The following PKDCC variants were observed in gnomAD, a reference collection of about 807,000 sequenced individuals.
PKDCC encodes the protein extracellular tyrosine-protein kinase PKDCC.
A neutral mutation model predicts 44.7 loss-of-function variants in PKDCC; 35 were observed. That is an observed-to-expected ratio of 0.78 (90% confidence interval 0.60 to 1.04). The LOEUF is 1.04. PKDCC is among the 50% of genes least tolerant of loss of function. The pLI is 0.00. For missense variants in PKDCC, 738 were observed against 672.7 expected (o/e 1.10, Z -1.07); for synonymous variants, 353 against 303.3 (o/e 1.16, Z -1.70).
In PKDCC at chr2:42,054,054, C is replaced by G. The variant is rs138808294; in HGVS notation, c.781C>G (p.Arg261Gly). The G allele has an allele frequency of 3.7e-6, 6 of 1,611,740 alleles. No individual in the cohort carries two copies. The South Asian group carries it at 4.4e-5, about 12-fold the overall frequency. Residue 261 changes from arginine to glycine, a missense_variant, in exon 3 of 7, where the codon CGC (arginine) becomes GGC (glycine). By Grantham distance (125) the Arg-to-Gly change is moderately radical (BLOSUM62 -2). Coordinates refer to ENST00000294964, the MANE Select transcript of PKDCC (RefSeq NM_138370.3). This position sits in a 1 kb window ranked among gnomAD's most constrained non-coding sequence, Gnocchi z 6.1. ...DRFRICLSLG[R>G]LLHHLAHSPL... Reference sequence around the variant, plus strand: ...CCCTCAGATCTGCCTGAGCCTGGGCCGCCTCCTCCACCACCTGGCCCACTC... The same window carrying G: ...CCCTCAGATCTGCCTGAGCCTGGGCGGCCTCCTCCACCACCTGGCCCACTC...
At chr2:42,050,032 G>A (rs933101630) in intron 1 of PKDCC, among the ~76,000 whole-genome samples, 1 of 152,166 alleles carries the variant, frequency 6.6e-6, no homozygotes, top group East Asian at 1.9e-4. Flanking sequence ...GAGGGAGATG[G>A]GTGGGCGTCG....
In PKDCC at chr2:42,052,471, G is replaced by A. The variant is rs184187337; in HGVS notation, c.640-768G>A. Among the ~76,000 whole-genome samples, 413 of 152,292 alleles carry A rather than the reference G, an allele frequency of 2.7e-3. 3 individuals carry two copies. Among genetic ancestry groups the A allele is most frequent in the African/African-American group, 9.4e-3 (392 of 41,554 alleles). The stretch of plus-strand genomic sequence containing the variant: ...TTCTTAGAAAAAACAGATTGTGGCC[G>A]GGCGCAGTGGCTCACGCCTGTAATC... On this transcript the variant is annotated intron_variant, in intron 1 of 6. Transcript: ENST00000294964. The surrounding 1 kb of genome is among the most constrained non-coding windows in gnomAD (Gnocchi z 4.3).
Position 42,052,593 on chromosome 2 carries a change from A to T in PKDCC, c.640-646A>T, listed in dbSNP as rs1258998949. On this transcript the variant is annotated intron_variant, in intron 1 of 6. Transcript: ENST00000294964. This position sits in a 1 kb window ranked among gnomAD's most constrained non-coding sequence, Gnocchi z 4.3. The stretch of plus-strand genomic sequence containing the variant: ...GTGAAACCCTGTTTCTACTAAAAAG[A>T]CAAAAATTAGCTGGGCATAGTGGCA... Among the ~76,000 whole-genome samples the T allele has an allele frequency of 1.3e-5, 2 of 152,124 alleles. No individual in the cohort carries two copies. The highest frequency in any genetic ancestry group is 4.8e-5 in the African/African-American group (2 of 41,412).
intron 2 of PKDCC, 60 bp from the exon 3 acceptor site, chr2:42,053,976 G>C: frequency 1.3e-6 from 2 of 1,563,718 alleles, no homozygotes; most frequent in South Asian, 2.4e-5. Flanking sequence ...GTGCCCTCGA[G>C]TCCCACAGAC....
Position 42,057,265 on chromosome 2 carries a change from C to G in PKDCC, c.1267C>G (p.Arg423Gly), listed in dbSNP as rs1370426689. 1 of 1,614,092 alleles carries G rather than the reference C, an allele frequency of 6.2e-7. No homozygotes were observed. Among genetic ancestry groups the G allele is most frequent in the Non-Finnish European group, 8.5e-7 (1 of 1,180,036 alleles). Reference sequence around the variant, plus strand: ...CAGCACCATCCCCCAGGAAGACTACCGCTGCTGGCCATCCTACCACCACGG... The same window carrying G: ...CAGCACCATCCCCCAGGAAGACTACGGCTGCTGGCCATCCTACCACCACGG... Reference protein sequence around the residue: ...PDSTIPQEDYRCWPSYHHGSC... With the variant: ...PDSTIPQEDYGCWPSYHHGSC... Residue 423 changes from arginine (R) to glycine (G), a missense_variant, in exon 6 of 7, where the codon CGC (arginine) becomes GGC (glycine). Transcript: ENST00000294964.
chr2:42,048,972 AC>A lies in PKDCC; in HGVS notation c.639+136del. On this transcript the variant is annotated intron_variant, in intron 1 of 6. Coordinates refer to ENST00000294964, the MANE Select transcript of PKDCC (RefSeq NM_138370.3). This position sits in a 1 kb window ranked among gnomAD's most constrained non-coding sequence, Gnocchi z 6.2. ...AGGCTAAGCTAGACGCAGAAACCGG[AC>A]CATGGCCCTTCCCACTGCACCACCC... The A allele has an allele frequency of 7.7e-7, 1 of 1,293,700 alleles. No homozygotes were observed. The highest frequency in any genetic ancestry group is 9.9e-7 in the Non-Finnish European group (1 of 1,011,344). The allele number at this position is 1,293,700 out of a possible 1,614,324, so 80.1% of individuals were successfully genotyped here.
Position 42,051,539 on chromosome 2 carries a change from C to G in PKDCC, c.640-1700C>G, listed in dbSNP as rs1238319422. On this transcript the variant is annotated intron_variant, in intron 1 of 6. Transcript: ENST00000294964. The surrounding 1 kb of genome is among the most constrained non-coding windows in gnomAD (Gnocchi z 4.2). ...TCCTGAGGGGTGTTGATTAATACCT[C>G]GTTAACAGCGCATTTAACGACCTCC... Among the ~76,000 whole-genome samples, 3 of 152,118 alleles carry G rather than the reference C, an allele frequency of 2.0e-5. No individual in the cohort carries two copies. The highest frequency in any genetic ancestry group is 7.2e-5 in the African/African-American group (3 of 41,396).
intron 5 of PKDCC, among the ~76,000 whole-genome samples, chr2:42,056,597 C>A (rs1668060334): frequency 6.6e-6 from 1 of 152,014 alleles, no homozygotes; most frequent in East Asian, 1.9e-4. Flanking sequence ...CCCAGACCTA[C>A]AGAATCAGAA....
rs1668077135 is a variant in PKDCC, at chr2:42,057,492, G to C, written c.1396+98G>C. The C allele has an allele frequency of 3.2e-6, 5 of 1,563,044 alleles. No individual in the cohort carries two copies. In the Admixed American group the frequency reaches 7.0e-5, roughly 22 times the overall value. On this transcript the variant is annotated intron_variant, in intron 6 of 6. Transcript: ENST00000294964. ...CATCGGAAGTCAGAGGGGGTGCTGAGGTGATGAGAGAGAGGTATACGTGTC... is the reference window on the plus strand; with the variant it reads ...CATCGGAAGTCAGAGGGGGTGCTGACGTGATGAGAGAGAGGTATACGTGTC...
Position 42,053,307 on chromosome 2 carries a change from C to G in PKDCC, c.708C>G (p.Gly236=). Residue 236 remains glycine, a synonymous_variant, in exon 2 of 7, where the codon GGC becomes GGG. Transcript: ENST00000294964. ...PDTLTTITEL[G]APVEMIQLLQ... is the part of the protein sequence containing the mutation. The stretch of plus-strand genomic sequence containing the variant: ...CCCTGACCACCATCACGGAGCTGGG[C>G]GCCCCTGTAGAAATGATCCAGCTGC... 1 of 1,613,726 alleles carries G rather than the reference C, an allele frequency of 6.2e-7. No individual in the cohort carries two copies. Among genetic ancestry groups the G allele is most frequent in the South Asian group, 1.1e-5 (1 of 91,048 alleles).
chr2:42,053,604 G>C (rs1668005123), intron 2 of PKDCC: 2 of 563,582 alleles, frequency 3.5e-6, no homozygotes, highest in East Asian at 3.0e-5. Flanking sequence ...ACCAGCTTGT[G>C]GGGGCTGGCA....
chr2:42,048,065 G>A lies in PKDCC; in HGVS notation c.-135G>A. On this transcript the variant is annotated 5_prime_UTR_variant, in exon 1 of 7. Coordinates refer to ENST00000294964, the MANE Select transcript of PKDCC (RefSeq NM_138370.3). This position sits in a 1 kb window ranked among gnomAD's most constrained non-coding sequence, Gnocchi z 6.2. ...GTGTCGCCCGCGAGGGGCCGGGGTC[G>A]GGGCCGCCGGGGCCATGCGCGCGGG... 2 of 368,424 alleles carry A rather than the reference G, an allele frequency of 5.4e-6. No individual in the cohort carries two copies. Among genetic ancestry groups the A allele is most frequent in the Non-Finnish European group, 3.7e-6 (1 of 268,744 alleles). 22.8% of individuals were successfully genotyped at this position (368,424 alleles called of 1,614,324 possible).
In PKDCC at chr2:42,055,567, C is replaced by T. The variant is rs905099777; in HGVS notation, c.1222+174C>T. The T allele has an allele frequency of 1.5e-5, 9 of 604,364 alleles. No individual in the cohort carries two copies. Among genetic ancestry groups the T allele is most frequent in the Admixed American group, 9.0e-5 (3 of 33,258 alleles). 37.4% of individuals were successfully genotyped at this position (604,364 alleles called of 1,614,324 possible). Reference sequence around the variant, plus strand: ...GCTGACATGGACTAATTTGAGGTTCCATCTCTAGCTGAGCTAGAGCAACTA... The same window carrying T: ...GCTGACATGGACTAATTTGAGGTTCTATCTCTAGCTGAGCTAGAGCAACTA... On this transcript the variant is annotated intron_variant, in intron 5 of 6. Transcript: ENST00000294964. This position sits in a 1 kb window ranked among gnomAD's most constrained non-coding sequence, Gnocchi z 4.5.
In PKDCC at chr2:42,053,254, T is replaced by C; in HGVS notation, c.655T>C (p.Tyr219His). The C allele has an allele frequency of 6.3e-7, 1 of 1,577,564 alleles. No homozygotes were observed. The highest frequency in any genetic ancestry group is 8.6e-7 in the Non-Finnish European group (1 of 1,157,064). Residue 219 changes from tyrosine to histidine, a missense_variant, in exon 2 of 7, where the codon TAC becomes CAC. Transcript: ENST00000294964. ...PNVLQLYGYC[Y>H]QDSEDIPDTL... ...CTTTCCCCAGCTCTATGGCTACTGCTACCAGGACAGCGAGGACATCCCAGA... is the reference window on the plus strand; with the variant it reads ...CTTTCCCCAGCTCTATGGCTACTGCCACCAGGACAGCGAGGACATCCCAGA...
At position 42,055,300 on chromosome 2, in the gene PKDCC, G is replaced by T. The variant is rs139834357; in HGVS notation, c.1129G>T (p.Gly377Trp). ...GCACTCTGCAGGAGAGCTCGCCTGGGGGGTGGACGAGACCCTGGCCCAGCT... is the reference window on the plus strand; with the variant it reads ...GCACTCTGCAGGAGAGCTCGCCTGGTGGGTGGACGAGACCCTGGCCCAGCT... ...IVNATGELAW[G>W]VDETLAQLEK... Residue 377 changes from glycine to tryptophan, a missense_variant, in exon 5 of 7, where the codon GGG becomes TGG. By Grantham distance (184) the Gly-to-Trp change is radical. Transcript: ENST00000294964. The surrounding 1 kb of genome is among the most constrained non-coding windows in gnomAD (Gnocchi z 4.5). 8.8e-5 allele frequency: 142 copies of T among 1,613,092 alleles called. No homozygotes were observed. The highest frequency in any genetic ancestry group is 1.8e-4 in the East Asian group (8 of 44,890).
chr2:42,055,166 C>A lies in PKDCC; in HGVS notation c.1115-120C>A, dbSNP rs1302163405. Reference sequence around the variant, plus strand: ...GCATTCTGCCGCAACCTCCCCGCTCCCCCGCCCTCTGTTCACTGGGGCACA... The same window carrying A: ...GCATTCTGCCGCAACCTCCCCGCTCACCCGCCCTCTGTTCACTGGGGCACA... On this transcript the variant is annotated intron_variant, in intron 4 of 6. Coordinates refer to ENST00000294964, the MANE Select transcript of PKDCC (RefSeq NM_138370.3). This position sits in a 1 kb window ranked among gnomAD's most constrained non-coding sequence, Gnocchi z 4.5. 2.4e-6 allele frequency: 3 copies of A among 1,272,066 alleles called. No individual in the cohort carries two copies. The highest frequency in any genetic ancestry group is 3.4e-6 in the Non-Finnish European group (3 of 895,046). 78.8% of individuals were successfully genotyped at this position (1,272,066 alleles called of 1,614,324 possible).
intron 1 of PKDCC, among the ~76,000 whole-genome samples, chr2:42,050,419 C>T (rs1358696751): frequency 6.6e-6 from 1 of 152,070 alleles, no homozygotes; most frequent in African/African-American, 2.4e-5. Flanking sequence ...GACTCAAGAC[C>T]CCTCTCCCTT....
chr2:42,055,203 C>A lies in PKDCC; in HGVS notation c.1115-83C>A. ...TTCACTGGGGCACAGGCTCTGGAGG[C>A]AGAGGTGGGAGCAGCTGGCTGCTGA... On this transcript the variant is annotated intron_variant, in intron 4 of 6. Coordinates refer to ENST00000294964, the MANE Select transcript of PKDCC (RefSeq NM_138370.3). The surrounding 1 kb of genome is among the most constrained non-coding windows in gnomAD (Gnocchi z 4.5). 1 of 1,389,858 alleles carries A rather than the reference C, an allele frequency of 7.2e-7. No individual in the cohort carries two copies. The highest frequency in any genetic ancestry group is 1.0e-6 in the Non-Finnish European group (1 of 1,002,116). 86.1% of individuals were successfully genotyped at this position (1,389,858 alleles called of 1,614,324 possible). A position where few individuals can be genotyped will look rare whatever the true frequency, so the allele number is the denominator to read the frequency against.
intron 1 of PKDCC, among the ~76,000 whole-genome samples, chr2:42,049,541 T>A (rs913421681): frequency 1.1e-4 from 16 of 152,180 alleles, no homozygotes; most frequent in Non-Finnish European, 1.3e-4. Context: ...GTGGACAGAC[T>A]GGCGGCCTGA....
Sources: allele counts gnomAD v4.1 joint callset (sites outside exome capture counted in the v4.1 genomes callset), GRCh38; gene constraint gnomAD v4.1.1; non-coding constraint Gnocchi (gnomAD v3.1); transcripts MANE v1.5; gene names NCBI Gene and HGNC (gene_info 2026-07-23, HGNC 2026-07-21).